Variants in GFRA1 observed in about 807,000 individuals in gnomAD.
GFRA1 encodes the protein GDNF family receptor alpha 1.
Under a neutral mutation model 51.6 loss-of-function variants are expected in GFRA1, and 16 were observed. That is an observed-to-expected ratio of 0.31 (90% confidence interval 0.21 to 0.47). The LOEUF (loss-of-function observed/expected upper bound fraction) is 0.47. Ranked by LOEUF, GFRA1 falls within the 20% of genes least tolerant of loss-of-function variation. The pLI, the probability that GFRA1 is intolerant of heterozygous loss-of-function variation, is 1.00. For missense variants in GFRA1, 530 were observed against 594.3 expected (o/e 0.89, Z 1.13); for synonymous variants, 270 against 241.3 (o/e 1.12, Z -1.10).
intron 9 of GFRA1, among the ~76,000 whole-genome samples, chr10:116,087,160 C>G (rs1956135361): frequency 6.6e-6 from 1 of 152,114 alleles, no homozygotes; most frequent in African/African-American, 2.4e-5. Flanking sequence ...CGGGACAACC[C>G]TGAGGCAGTA....
intron 4 of GFRA1, among the ~76,000 whole-genome samples, chr10:116,261,421 C>T (rs1444673386): frequency 6.6e-6 from 1 of 152,154 alleles, no homozygotes. Context: ...GCCGCACTTC[C>T]GATTATTTAA....
intron 5 of GFRA1, among the ~76,000 whole-genome samples, chr10:116,186,942 G>A (rs1962778011): frequency 6.6e-6 from 1 of 152,118 alleles, no homozygotes. Flanking sequence ...GGTGAAAACT[G>A]GAAGGCGACC....
intron 5 of GFRA1, among the ~76,000 whole-genome samples, chr10:116,195,658 G>A (rs556554176): frequency 4.4e-4 from 67 of 152,294 alleles, no homozygotes; most frequent in African/African-American, 1.6e-3. Context: ...CCATGGACCA[G>A]TACCAGTCCA....
At chr10:116,219,621 C>A (rs1253372893) in intron 4 of GFRA1, among the ~76,000 whole-genome samples, 2 of 152,132 alleles carry the variant, frequency 1.3e-5, no homozygotes, top group African/African-American at 2.4e-5. Context: ...AGAGCCTAAA[C>A]AAAAGAAGCT....
At chr10:116,256,573 C>G (rs932960804) in intron 4 of GFRA1, among the ~76,000 whole-genome samples, 1 of 152,190 alleles carries the variant, frequency 6.6e-6, no homozygotes, top group Non-Finnish European at 1.5e-5. Flanking sequence ...GCTGCATAGG[C>G]ACTCCCAGCC....
chr10:116,206,471 G>A (rs940677197), intron 5 of GFRA1, among the ~76,000 whole-genome samples: 3 of 152,040 alleles, frequency 2.0e-5, no homozygotes, highest in Non-Finnish European at 2.9e-5. Context: ...GGCTTGGCTC[G>A]GCTGCCAGAA....
At position 116,238,755 on chromosome 10, in the gene GFRA1, CTCT is replaced by C. The variant is rs752169282; in HGVS notation, c.419-27113_419-27111del. 1.2e-4 allele frequency among the ~76,000 whole-genome samples: 18 copies of C among 152,296 alleles called. No individual in the cohort carries two copies. In the East Asian group the frequency reaches 3.5e-3, roughly 29 times the overall value. On this transcript the variant is annotated intron_variant, in intron 4 of 10. Coordinates refer to ENST00000355422, the MANE Select transcript of GFRA1 (RefSeq NM_005264.8). Reference sequence around the variant, plus strand: ...TTTCTCCAAGAGAGAATATTTAAATCTCTTCTTCCGTGTTTAACTTTCAACTAT... The same window carrying C: ...TTTCTCCAAGAGAGAATATTTAAATCTCTTCCGTGTTTAACTTTCAACTAT...
chr10:116,194,207 T>C (rs1205223614), intron 5 of GFRA1, among the ~76,000 whole-genome samples: 1 of 152,202 alleles, frequency 6.6e-6, no homozygotes, highest in Non-Finnish European at 1.5e-5. Context: ...GAGTTTGTTT[T>C]ACTATTTACA....
chr10:116,209,430 C>A (rs1318862623), intron 5 of GFRA1, among the ~76,000 whole-genome samples: 1 of 152,084 alleles, frequency 6.6e-6, no homozygotes, highest in East Asian at 1.9e-4. Context: ...CTGACAGAAG[C>A]ACACATTTAT....
chr10:116,156,552 CCACT>C (rs1959203880), intron 5 of GFRA1, among the ~76,000 whole-genome samples: 1 of 152,192 alleles, frequency 6.6e-6, no homozygotes, highest in African/African-American at 2.4e-5. Context: ...TTATCCATCC[CCACT>C]CATTCTTTAT....
At chr10:116,135,778 A>G (rs1294362154) in intron 5 of GFRA1, among the ~76,000 whole-genome samples, 1 of 152,222 alleles carries the variant, frequency 6.6e-6, no homozygotes, top group African/African-American at 2.4e-5. Flanking sequence ...CTCAAGCAAA[A>G]CAGCTAAATA....
chr10:116,064,286 A>T lies in GFRA1; in HGVS notation c.*112T>A. On this transcript the variant is annotated 3_prime_UTR_variant, in exon 11 of 11. Coordinates refer to ENST00000355422, the MANE Select transcript of GFRA1 (RefSeq NM_005264.8). ...AAAAAAAATGTTCCAGTTGAATGGAACTGTTTCTCAACTGAGCTCCTAAAC... is the reference window on the plus strand; with the variant it reads ...AAAAAAAATGTTCCAGTTGAATGGATCTGTTTCTCAACTGAGCTCCTAAAC... 1 of 903,022 alleles carries T rather than the reference A, an allele frequency of 1.1e-6. No individual in the cohort carries two copies. Among genetic ancestry groups the T allele is most frequent in the East Asian group, 2.6e-5 (1 of 38,256 alleles). The allele number at this position is 903,022 out of a possible 1,614,324, so 55.9% of individuals were successfully genotyped here. A position where few individuals can be genotyped will look rare whatever the true frequency, so the allele number is the denominator to read the frequency against.
At chr10:116,169,192 G>A (rs1369193237) in intron 5 of GFRA1, among the ~76,000 whole-genome samples, 1 of 152,178 alleles carries the variant, frequency 6.6e-6, no homozygotes, top group Non-Finnish European at 1.5e-5. Context: ...CTCATCCAGT[G>A]CCCCTGAGAA....
intron 5 of GFRA1, among the ~76,000 whole-genome samples, chr10:116,198,014 A>G (rs945838029): frequency 6.6e-6 from 1 of 152,156 alleles, no homozygotes; most frequent in Non-Finnish European, 1.5e-5. Context: ...TGAGAACTAA[A>G]TGTGGTAAAA....
chr10:116,178,662 T>A (rs1961896515), intron 5 of GFRA1, among the ~76,000 whole-genome samples: 1 of 152,094 alleles, frequency 6.6e-6, no homozygotes, highest in Non-Finnish European at 1.5e-5. Context: ...CTGACTGGGG[T>A]CACCCACGGT....
intron 4 of GFRA1, among the ~76,000 whole-genome samples, chr10:116,228,379 G>A (rs968760430): frequency 1.3e-5 from 2 of 152,194 alleles, no homozygotes; most frequent in East Asian, 3.9e-4. Context: ...AGATGGCCAG[G>A]AAGTCTAACC....
At chr10:116,118,905 C>A (rs1957536125) in intron 6 of GFRA1, among the ~76,000 whole-genome samples, 1 of 152,124 alleles carries the variant, frequency 6.6e-6, no homozygotes, top group Non-Finnish European at 1.5e-5. Flanking sequence ...AGAGGGAGAA[C>A]AGGGAGTAAA....
chr10:116,091,640 T>C (rs1956339659), intron 8 of GFRA1, among the ~76,000 whole-genome samples: 1 of 152,088 alleles, frequency 6.6e-6, no homozygotes, highest in African/African-American at 2.4e-5. Flanking sequence ...TTGGCTAGAG[T>C]TGTGTTCATG....
At chr10:116,243,556 TG>T (rs113983581) in intron 4 of GFRA1, among the ~76,000 whole-genome samples, 50 of 146,382 alleles carry the variant, frequency 3.4e-4, no homozygotes, top group Admixed American at 5.5e-4. Context: ...AAAAAGGGTT[TG>T]GTTTTTTTTT....
Sources: allele counts gnomAD v4.1 joint callset (sites outside exome capture counted in the v4.1 genomes callset), GRCh38; gene constraint gnomAD v4.1.1; transcripts MANE v1.5; gene names NCBI Gene and HGNC (gene_info 2026-07-23, HGNC 2026-07-21).